BCL2: variants seen among roughly 807,000 people sequenced by gnomAD.
BCL2 encodes the protein BCL2 apoptosis regulator, also known as apoptosis regulator Bcl-2.
In BCL2, 1 loss-of-function variant was observed where a neutral mutation model predicts 14.2. The observed-to-expected ratio is 0.07, with a 90% CI of 0.02 to 0.33. The LOEUF (loss-of-function observed/expected upper bound fraction) is 0.33, where lower values mean the gene tolerates loss of function less well. Among genes scored for constraint, BCL2 ranks in the 10% least tolerant of loss-of-function variants. BCL2 has a pLI of 0.99. For synonymous variants in BCL2, 151 were observed against 137.2 expected, an observed-to-expected ratio of 1.10 and a Z score of -0.70; for missense variants, 247 against 305.9, an observed-to-expected ratio of 0.81 and a Z score of 1.44.
At chr18:63,134,924 C>T (rs139633383) in intron 2 of BCL2, among the ~76,000 whole-genome samples, 22 of 152,288 alleles carry the variant, frequency 1.4e-4, no homozygotes, top group Non-Finnish European at 2.5e-4. Flanking sequence ...GGGATCTCTT[C>T]TCTCATGACA....
chr18:63,144,981 C>A (rs994211251), intron 2 of BCL2, among the ~76,000 whole-genome samples: 4 of 152,184 alleles, frequency 2.6e-5, no homozygotes, highest in South Asian at 2.1e-4. Context: ...TAGGGCTGCA[C>A]GTGCCATCTC....
At chr18:63,300,466 CTG>C (rs371006514) in intron 2 of BCL2, among the ~76,000 whole-genome samples, 3,305 of 147,984 alleles carry the variant, frequency 0.022, 46 homozygotes, top group African/African-American at 0.034. Flanking sequence ...CTCTCTCTCT[CTG>C]TGTGTGTGTG....
intron 2 of BCL2, among the ~76,000 whole-genome samples, chr18:63,249,334 T>C (rs1474103574): frequency 6.6e-6 from 1 of 152,216 alleles, no homozygotes; most frequent in Non-Finnish European, 1.5e-5. Context: ...GTTAATCTCC[T>C]AGTCTCAACT....
chr18:63,140,375 C>T (rs1387414662), intron 2 of BCL2, among the ~76,000 whole-genome samples: 1 of 152,174 alleles, frequency 6.6e-6, no homozygotes, highest in Non-Finnish European at 1.5e-5. Flanking sequence ...TCATAATAGC[C>T]AAAAGTGGAA....
intron 2 of BCL2, among the ~76,000 whole-genome samples, chr18:63,279,640 T>G (rs1001322566): frequency 1.3e-5 from 2 of 152,164 alleles, no homozygotes; most frequent in African/African-American, 4.8e-5. Flanking sequence ...AAAGAACAGG[T>G]ACAATAATGT....
At chr18:63,290,946 G>A (rs1912627505) in intron 2 of BCL2, among the ~76,000 whole-genome samples, 1 of 152,110 alleles carries the variant, frequency 6.6e-6, no homozygotes, top group African/African-American at 2.4e-5. Context: ...CCTCCGAGAT[G>A]GTGATAAAGC....
intron 2 of BCL2, among the ~76,000 whole-genome samples, chr18:63,170,840 A>T (rs1915205007): frequency 6.6e-6 from 1 of 152,234 alleles, no homozygotes; most frequent in South Asian, 2.1e-4. Context: ...CTGGGCTCAC[A>T]AGCTACAGGT....
At chr18:63,218,770 A>C (rs1276389157) in intron 2 of BCL2, among the ~76,000 whole-genome samples, 7 of 8,112 alleles carry the variant, frequency 8.6e-4, no homozygotes, top group Middle Eastern at 0.083. Flanking sequence ...CCCTCTACTC[A>C]TCCCCATCCT....
intron 2 of BCL2, among the ~76,000 whole-genome samples, chr18:63,286,135 A>G (rs2144261567): frequency 6.6e-6 from 1 of 152,358 alleles, no homozygotes; most frequent in East Asian, 1.9e-4. Context: ...GAAATCTGGA[A>G]GAGTAAAACC....
At chr18:63,171,073 A>G (rs1915209770) in intron 2 of BCL2, among the ~76,000 whole-genome samples, 1 of 152,224 alleles carries the variant, frequency 6.6e-6, no homozygotes, top group Non-Finnish European at 1.5e-5. Flanking sequence ...TACTGTTATA[A>G]TGTTTTCCTC....
intron 2 of BCL2, among the ~76,000 whole-genome samples, chr18:63,272,326 G>T (rs995449308): frequency 1.3e-5 from 2 of 152,278 alleles, no homozygotes; most frequent in Middle Eastern, 6.8e-3. Flanking sequence ...TAAGACACTG[G>T]CCATTACAGG....
intron 2 of BCL2, among the ~76,000 whole-genome samples, chr18:63,242,098 CT>C (rs1911020895): frequency 6.9e-6 from 1 of 145,330 alleles, no homozygotes; most frequent in African/African-American, 2.5e-5. Flanking sequence ...TGAAACAGTT[CT>C]ACAGATTTCT....
At position 63,128,070 on chromosome 18, in the gene BCL2, G is replaced by A. The variant is rs1913957905; in HGVS notation, c.*555C>T. ...AGAGTCTCTTCTTCAGGCCAGGGAG[G>A]CATGGACTTCCCCCCACAGGAACCC... On this transcript the variant is annotated 3_prime_UTR_variant, in exon 3 of 3. Coordinates refer to ENST00000333681, the MANE Select transcript of BCL2 (RefSeq NM_000633.3). 2 of 226,498 alleles carry A rather than the reference G, an allele frequency of 8.8e-6. No homozygotes were observed. Among genetic ancestry groups the A allele is most frequent in the Non-Finnish European group, 1.8e-5 (2 of 113,560 alleles). 14.0% of individuals were successfully genotyped at this position (226,498 alleles called of 1,614,324 possible).
intron 2 of BCL2, chr18:63,302,237 G>T (rs1599300637): frequency 1.5e-6 from 1 of 659,032 alleles, no homozygotes; most frequent in African/African-American, 2.0e-5. Flanking sequence ...GGAGGCTGAG[G>T]TTGCAGTGAG....
intron 2 of BCL2, among the ~76,000 whole-genome samples, chr18:63,269,937 A>G (rs1350867516): frequency 1.3e-5 from 2 of 152,198 alleles, no homozygotes; most frequent in Non-Finnish European, 2.9e-5. Context: ...AGGGGGTAGA[A>G]AGGAAAATGC....
At chr18:63,237,257 G>C (rs939856564) in intron 2 of BCL2, among the ~76,000 whole-genome samples, 2 of 152,164 alleles carry the variant, frequency 1.3e-5, no homozygotes, top group Non-Finnish European at 2.9e-5. Flanking sequence ...AGGCGGGGGG[G>C]AGGTGGGCGT....
chr18:63,205,423 CAAA>C (rs1459090396), intron 2 of BCL2, among the ~76,000 whole-genome samples: 1 of 152,140 alleles, frequency 6.6e-6, no homozygotes, highest in Non-Finnish European at 1.5e-5. Context: ...AAAAAATAAA[CAAA>C]AACATTCGGA....
At chr18:63,260,436 C>T (rs1911621431) in intron 2 of BCL2, among the ~76,000 whole-genome samples, 3 of 152,298 alleles carry the variant, frequency 2.0e-5, no homozygotes, top group Admixed American at 2.0e-4. Flanking sequence ...CAAAAAAGAT[C>T]TTAGCAGTTA....
At chr18:63,301,339 T>C (rs1280676715) in intron 2 of BCL2, among the ~76,000 whole-genome samples, 4 of 152,206 alleles carry the variant, frequency 2.6e-5, no homozygotes, top group African/African-American at 9.6e-5. Context: ...ACAAAGTAAA[T>C]GTGCTGAAAG....
Sources: gnomAD v4.1 joint callset for allele counts (sites outside exome capture counted in the v4.1 genomes callset) on GRCh38, gnomAD v4.1.1 for gene constraint, MANE v1.5 for transcripts, NCBI Gene and HGNC (gene_info 2026-07-23, HGNC 2026-07-21) for gene names.